The following FNBP1L variants were observed in gnomAD, a reference collection of about 807,000 sequenced individuals.
FNBP1L encodes formin binding protein 1 like, also known as formin-binding protein 1-like.
In FNBP1L, 36 loss-of-function variants were observed where a neutral mutation model predicts 91.2. That is an observed-to-expected ratio of 0.39 (90% CI 0.30 to 0.52). The LOEUF is 0.52. Among genes scored for constraint, FNBP1L ranks in the 20% least tolerant of loss-of-function variants. The pLI is 0.66. For missense variants in FNBP1L, 571 were observed against 732.1 expected (o/e 0.78, Z 2.54); for synonymous variants, 242 against 237.0 (o/e 1.02, Z -0.19).
In FNBP1L at chr1:93,530,759, A is replaced by G; in HGVS notation, c.515A>G (p.Lys172Arg). 1 of 1,597,220 alleles carries G rather than the reference A, an allele frequency of 6.3e-7. No individual in the cohort carries two copies. Among genetic ancestry groups the G allele is most frequent in the Non-Finnish European group, 8.5e-7 (1 of 1,171,702 alleles). Residue 172 changes from lysine (K) to arginine (R), a missense_variant, in exon 7 of 17, where the codon AAA (lysine) becomes AGA (arginine). This residue lies in a region of FNBP1L where 220 missense variants were observed against 313.6 expected (regional missense o/e 0.70). Coordinates refer to ENST00000271234, the MANE Select transcript of FNBP1L (RefSeq NM_001164473.3). ...TTTCGACCATTTTGCCCCTAGGCCA[A>G]ACAGCAGTTGAATCTGCGTACGCAT... Reference protein sequence around the residue: ...NATKADVEKAKQQLNLRTHMA... With the variant: ...NATKADVEKARQQLNLRTHMA...
intron 9 of FNBP1L, 48 bp downstream of exon 9, chr1:93,534,956 C>T (rs1410294945): frequency 6.9e-7 from 1 of 1,452,762 alleles, no homozygotes; most frequent in Admixed American, 2.1e-5. Context: ...AGTGTACCAA[C>T]TAAAACAATG....
chr1:93,459,933 G>T (rs1668803517), intron 1 of FNBP1L, among the ~76,000 whole-genome samples: 1 of 132,962 alleles, frequency 7.5e-6, no homozygotes, highest in Non-Finnish European at 1.6e-5. Flanking sequence ...AAGTGTTTTG[G>T]ATTTCAGATG....
At chr1:93,456,857 A>C (rs966133619) in intron 1 of FNBP1L, among the ~76,000 whole-genome samples, 1 of 152,106 alleles carries the variant, frequency 6.6e-6, no homozygotes, top group African/African-American at 2.4e-5. Flanking sequence ...TGATTCAACA[A>C]ATTTGAGTGC....
intron 2 of FNBP1L, among the ~76,000 whole-genome samples, chr1:93,513,708 A>G (rs1333455942): frequency 6.6e-6 from 1 of 152,244 alleles, no homozygotes; most frequent in Non-Finnish European, 1.5e-5. Context: ...GGCCTTTGAC[A>G]AAATTCAAGA....
rs777730254 is a variant in FNBP1L at position 93,448,213 on chromosome 1, G to A, written c.-69G>A. 6.6e-6 allele frequency: 10 copies of A among 1,512,944 alleles called. No individual in the cohort carries two copies. The East Asian group carries it at 1.7e-4, about 26-fold the overall frequency. 93.7% of individuals were successfully genotyped at this position (1,512,944 alleles called of 1,614,324 possible). ...CTAGCCCGCCGGCCAGCGAGTGAGA[G>A]GTCGGACAGACTGTGGAGCCGACAG... On this transcript the variant is annotated 5_prime_UTR_variant, in exon 1 of 17. Coordinates refer to ENST00000271234, the MANE Select transcript of FNBP1L (RefSeq NM_001164473.3).
chr1:93,506,960 C>T (rs1670638715), intron 2 of FNBP1L, among the ~76,000 whole-genome samples: 1 of 151,704 alleles, frequency 6.6e-6, no homozygotes, highest in Non-Finnish European at 1.5e-5. Context: ...TAGAGATGCC[C>T]ACTAAATTTA....
At chr1:93,530,192 A>G (rs1286752813) in intron 6 of FNBP1L, among the ~76,000 whole-genome samples, 5 of 152,182 alleles carry the variant, frequency 3.3e-5, no homozygotes, top group Admixed American at 1.3e-4. Context: ...TGTATTCTAA[A>G]TAAGCATTCC....
intron 1 of FNBP1L, among the ~76,000 whole-genome samples, chr1:93,462,103 G>T (rs1668887432): frequency 6.6e-6 from 1 of 152,016 alleles, no homozygotes; most frequent in African/African-American, 2.4e-5. Context: ...GATACTTTAG[G>T]GACTGAGGAA....
At chr1:93,486,271 T>A (rs1669898332) in intron 1 of FNBP1L, among the ~76,000 whole-genome samples, 2 of 152,188 alleles carry the variant, frequency 1.3e-5, no homozygotes, top group Admixed American at 1.3e-4. Context: ...GATGTACCAC[T>A]ATTTTGGTGT....
intron 3 of FNBP1L, among the ~76,000 whole-genome samples, chr1:93,522,893 G>A (rs911090364): frequency 2.0e-5 from 3 of 152,052 alleles, no homozygotes; most frequent in African/African-American, 7.2e-5. Flanking sequence ...TTCAGGATAT[G>A]GGCAGGCATA....
chr1:93,501,186 T>A (rs1299275709), intron 2 of FNBP1L, among the ~76,000 whole-genome samples: 1 of 152,178 alleles, frequency 6.6e-6, no homozygotes, highest in East Asian at 1.9e-4. Flanking sequence ...GAAAAAGTGC[T>A]ATAGGTAATA....
chr1:93,492,455 A>G (rs893923279), intron 1 of FNBP1L, among the ~76,000 whole-genome samples: 49 of 152,336 alleles, frequency 3.2e-4, no homozygotes, highest in African/African-American at 1.2e-3. Context: ...TTCTGTTTAT[A>G]TGTTATCTAA....
At chr1:93,508,518 T>C (rs1196905566) in intron 2 of FNBP1L, among the ~76,000 whole-genome samples, 1 of 152,098 alleles carries the variant, frequency 6.6e-6, no homozygotes, top group Non-Finnish European at 1.5e-5. Context: ...GCTCAGGATA[T>C]TGGGGTTTGG....
intron 1 of FNBP1L, among the ~76,000 whole-genome samples, chr1:93,466,465 T>C (rs1267229495): frequency 1.3e-5 from 2 of 152,198 alleles, no homozygotes; most frequent in East Asian, 3.8e-4. Context: ...GGGAATCCTT[T>C]CCCCATTTCT....
intron 15 of FNBP1L, 66 bp downstream of exon 15, chr1:93,549,492 A>G (rs1672339441): frequency 7.9e-7 from 1 of 1,263,822 alleles, no homozygotes. Context: ...ACATCAAGTC[A>G]CTCACTGTAG....
intron 7 of FNBP1L, among the ~76,000 whole-genome samples, chr1:93,532,173 G>C (rs1327383395): frequency 6.6e-6 from 1 of 151,768 alleles, no homozygotes; most frequent in Non-Finnish European, 1.5e-5. Flanking sequence ...CTTGAGGTTA[G>C]AAGTCTCAGA....
At position 93,505,420 on chromosome 1, in the gene FNBP1L, G is replaced by T. The variant is rs556987549; in HGVS notation, c.140+5837G>T. ...ATTGGCTGGAACGGGACCTCACCCC[G>T]ATTGGCTAGCAACTTAGAACTTTGT... On this transcript the variant is annotated intron_variant, in intron 2 of 16. Coordinates refer to ENST00000271234, the MANE Select transcript of FNBP1L (RefSeq NM_001164473.3). Among the ~76,000 whole-genome samples, 53 of 152,218 alleles carry T rather than the reference G, an allele frequency of 3.5e-4. 2 individuals carry two copies. The South Asian group carries it at 0.011, about 31-fold the overall frequency.
chr1:93,535,626 G>GGC (rs1211290630), intron 9 of FNBP1L, among the ~76,000 whole-genome samples: 1 of 151,852 alleles, frequency 6.6e-6, no homozygotes, highest in Admixed American at 6.6e-5. Flanking sequence ...TTTTGATCAT[G>GGC]GCATATGAGT....
chr1:93,507,093 ACACACACACACACACTCTCTCT>A (rs1670649944), intron 2 of FNBP1L, among the ~76,000 whole-genome samples: 76 of 124,034 alleles, frequency 6.1e-4, no homozygotes, highest in African/African-American at 1.9e-3. Context: ...ACACACACAC[ACACACACACACACACTCTCTCT>A]CTCTCTCTCT....
Sources: gnomAD v4.1 joint callset for allele counts (sites outside exome capture counted in the v4.1 genomes callset) on GRCh38, gnomAD v4.1.1 for gene constraint, gnomAD v4.1.1 regional missense constraint, MANE v1.5 for transcripts, NCBI Gene and HGNC (gene_info 2026-07-23, HGNC 2026-07-21) for gene names.